OSBPL3: variants seen among roughly 807,000 people sequenced by gnomAD.
OSBPL3 encodes the protein oxysterol binding protein like 3.
Under a neutral mutation model 120.1 loss-of-function variants are expected in OSBPL3, and 65 were observed. The observed-to-expected ratio is 0.54, with a 90% CI of 0.44 to 0.67. The LOEUF (loss-of-function observed/expected upper bound fraction) is 0.67, where lower values mean the gene tolerates loss of function less well. Ranked by LOEUF, OSBPL3 falls within the 30% of genes least tolerant of loss-of-function variation. The pLI is 0.00. For synonymous variants in OSBPL3, 416 were observed against 402.6 expected, an observed-to-expected ratio of 1.03 and a Z score of -0.40; for missense variants, 1,004 against 1,082.1, an observed-to-expected ratio of 0.93 and a Z score of 1.01.
chr7:24,981,222 A>C (rs1818309103), upstream of OSBPL3, among the ~76,000 whole-genome samples: 1 of 152,190 alleles, frequency 6.6e-6, no homozygotes, highest in African/African-American at 2.4e-5. The surrounding 1 kb of genome is among the most constrained non-coding windows in gnomAD (Gnocchi z 7.3). Context: ...CACTTTCGAA[A>C]GTGGTTTAGC....
intron 1 of OSBPL3, among the ~76,000 whole-genome samples, chr7:24,897,807 C>T (rs1806403348): frequency 6.6e-6 from 1 of 152,206 alleles, no homozygotes; most frequent in African/African-American, 2.4e-5. Context: ...AAAAAAGCAA[C>T]ATTATCTGGT....
chr7:24,926,168 T>G (rs1244701679), intron 1 of OSBPL3, among the ~76,000 whole-genome samples: 2 of 152,216 alleles, frequency 1.3e-5, no homozygotes, highest in African/African-American at 2.4e-5. Flanking sequence ...TACTGGCACC[T>G]ATAGAAGTAG....
rs536757334 is a variant in OSBPL3, at chr7:24,930,721, T to C, written c.-149-38100A>G. On this transcript the variant is annotated intron_variant, in intron 1 of 22. Coordinates refer to ENST00000313367, the MANE Select transcript of OSBPL3 (RefSeq NM_015550.4). This position sits in a 1 kb window ranked among gnomAD's most constrained non-coding sequence, Gnocchi z 4.4. ...TCTTTCCAGAAATGATTATATGGTT[T>C]TGCACAGTCCCAAAGGGTCTGGCTC... Among the ~76,000 whole-genome samples the C allele has an allele frequency of 1.1e-3, 174 of 152,328 alleles. No homozygotes were observed. Among genetic ancestry groups the C allele is most frequent in the African/African-American group, 3.9e-3 (162 of 41,568 alleles).
At chr7:24,948,957 T>G (rs2128494110) in intron 1 of OSBPL3, among the ~76,000 whole-genome samples, 2 of 152,360 alleles carry the variant, frequency 1.3e-5, no homozygotes, top group Middle Eastern at 6.8e-3. Flanking sequence ...CTGGCTTTTA[T>G]GATGTTAATG....
At position 24,849,311 on chromosome 7, in the gene OSBPL3, G is replaced by A; in HGVS notation, c.1159-135C>T. 1.7e-6 allele frequency: 1 copy of A among 595,072 alleles called. No homozygotes were observed. Among genetic ancestry groups the A allele is most frequent in the South Asian group, 2.1e-5 (1 of 48,180 alleles). The allele number at this position is 595,072 out of a possible 1,614,324, so 36.9% of individuals were successfully genotyped here. ...ACGTGGTCTGACAGCGCACTTTCTG[G>A]ACTTTTTCCTTGAATGCTCTCCAAG... On this transcript the variant is annotated intron_variant, in intron 11 of 22. Transcript: ENST00000313367. This position sits in a 1 kb window ranked among gnomAD's most constrained non-coding sequence, Gnocchi z 5.4.
intron 19 of OSBPL3, 39 bp from the exon 20 acceptor site, chr7:24,809,990 T>A (rs778112091): frequency 4.3e-6 from 7 of 1,610,144 alleles, no homozygotes; most frequent in Non-Finnish European, 5.9e-6. Flanking sequence ...TCCTTTAGCA[T>A]CAGCTTATTA....
At chr7:24,977,587 T>C (rs918358309) in intron 1 of OSBPL3, among the ~76,000 whole-genome samples, 4 of 152,184 alleles carry the variant, frequency 2.6e-5, no homozygotes, top group African/African-American at 9.7e-5. Flanking sequence ...CAGGGCGCGG[T>C]GGCTCACGCC....
chr7:24,855,728 CTG>C lies in OSBPL3; in HGVS notation c.1028-3096_1028-3095del, dbSNP rs1228868675. Among the ~76,000 whole-genome samples the C allele has an allele frequency of 6.6e-6, 1 of 152,210 alleles. No individual in the cohort carries two copies. The highest frequency in any genetic ancestry group is 6.5e-5 in the Admixed American group (1 of 15,284). ...GGATCCCAAAAGTCAGGAACACTCT[CTG>C]TGATAGGAGTGCTTTCTTACTTATT... On this transcript the variant is annotated intron_variant, in intron 10 of 22. Coordinates refer to ENST00000313367, the MANE Select transcript of OSBPL3 (RefSeq NM_015550.4). The surrounding 1 kb of genome is among the most constrained non-coding windows in gnomAD (Gnocchi z 4.3).
At chr7:24,973,887 A>C (rs546663522) in intron 1 of OSBPL3, among the ~76,000 whole-genome samples, 1 of 152,358 alleles carries the variant, frequency 6.6e-6, no homozygotes, top group South Asian at 2.1e-4. Flanking sequence ...CATGTACAAA[A>C]GTATAGCACT....
chr7:24,879,940 T>TA lies in OSBPL3; in HGVS notation c.97-7872dup, dbSNP rs1803416500. On this transcript the variant is annotated intron_variant, in intron 2 of 22. Coordinates refer to ENST00000313367, the MANE Select transcript of OSBPL3 (RefSeq NM_015550.4). This position sits in a 1 kb window ranked among gnomAD's most constrained non-coding sequence, Gnocchi z 5.6. Reference sequence around the variant, plus strand: ...ATTCCCCTAATTGTATCAAGCCCCTTAAAGCTACAAACAGCATCTTCTATG... The same window carrying TA: ...ATTCCCCTAATTGTATCAAGCCCCTTAAAAGCTACAAACAGCATCTTCTATG... Among the ~76,000 whole-genome samples the TA allele has an allele frequency of 6.6e-6, 1 of 152,150 alleles. No homozygotes were observed. Among genetic ancestry groups the TA allele is most frequent in the Non-Finnish European group, 1.5e-5 (1 of 68,030 alleles).
At chr7:24,890,655 C>T (rs1805211262) in intron 2 of OSBPL3, among the ~76,000 whole-genome samples, 1 of 152,186 alleles carries the variant, frequency 6.6e-6, no homozygotes, top group African/African-American at 2.4e-5. Flanking sequence ...TTAATAAATT[C>T]TCCACCTTCT....
At chr7:24,844,029 T>C (rs1798098711) in intron 12 of OSBPL3, among the ~76,000 whole-genome samples, 1 of 152,260 alleles carries the variant, frequency 6.6e-6, no homozygotes, top group African/African-American at 2.4e-5. Context: ...AAAGATTTCC[T>C]GGCTGACCAA....
At chr7:24,866,364 G>A (rs534811671) in intron 5 of OSBPL3, 127 bp from the exon 6 acceptor site, 43 of 736,604 alleles carry the variant, frequency 5.8e-5, no homozygotes, top group African/African-American at 4.8e-4. Flanking sequence ...ACAGCCAGGC[G>A]CAGTGGCTGA....
In OSBPL3 at chr7:24,852,774, C is replaced by T. The variant is rs1264865384; in HGVS notation, c.1028-140G>A. On this transcript the variant is annotated intron_variant, in intron 10 of 22. Transcript: ENST00000313367. This position sits in a 1 kb window ranked among gnomAD's most constrained non-coding sequence, Gnocchi z 4.1. Reference sequence around the variant, plus strand: ...TGAGTATAGCAAATGTACATTCTACCTTGACTTTTAAAAAACACATTTGCC... The same window carrying T: ...TGAGTATAGCAAATGTACATTCTACTTTGACTTTTAAAAAACACATTTGCC... 2 of 598,486 alleles carry T rather than the reference C, an allele frequency of 3.3e-6. No individual in the cohort carries two copies. Among genetic ancestry groups the T allele is most frequent in the Admixed American group, 7.4e-5 (2 of 27,048 alleles). The allele number at this position is 598,486 out of a possible 1,614,324, so 37.1% of individuals were successfully genotyped here.
At chr7:24,923,596 A>T (rs558369255) in intron 1 of OSBPL3, among the ~76,000 whole-genome samples, 1 of 150,110 alleles carries the variant, frequency 6.7e-6, no homozygotes, top group African/African-American at 2.5e-5. Flanking sequence ...AAAAGATAAG[A>T]GAGATTGACA....
At position 24,881,356 on chromosome 7, in the gene OSBPL3, T is replaced by G. The variant is rs753584232; in HGVS notation, c.97-9287A>C. On this transcript the variant is annotated intron_variant, in intron 2 of 22. Coordinates refer to ENST00000313367, the MANE Select transcript of OSBPL3 (RefSeq NM_015550.4). The surrounding 1 kb of genome is among the most constrained non-coding windows in gnomAD (Gnocchi z 4.3). ...TTACAAATCAAAGAAGGAATGACTT[T>G]AGTGCCAAGTATGTTATAGTCCAGT... Among the ~76,000 whole-genome samples the G allele has an allele frequency of 1.3e-5, 2 of 152,208 alleles. No individual in the cohort carries two copies. The highest frequency in any genetic ancestry group is 2.9e-5 in the Non-Finnish European group (2 of 68,034).
At chr7:24,917,913 A>T (rs867697042) in intron 1 of OSBPL3, 11 of 179,502 alleles carry the variant, frequency 6.1e-5, no homozygotes, top group Admixed American at 3.3e-4. Flanking sequence ...AACTCATTCC[A>T]AATCTATTTG....
rs1795255014 is a variant in OSBPL3 at position 24,822,665 on chromosome 7, T to C, written c.1885-2427A>G. 6.6e-6 allele frequency among the ~76,000 whole-genome samples: 1 copy of C among 152,228 alleles called. No individual in the cohort carries two copies. The highest frequency in any genetic ancestry group is 2.1e-4 in the South Asian group (1 of 4,832). Reference sequence around the variant, plus strand: ...GCTTTGATGAAGAATTTGGCATCTTTACAGGTATGGCCGAATGTAAACACA... The same window carrying C: ...GCTTTGATGAAGAATTTGGCATCTTCACAGGTATGGCCGAATGTAAACACA... On this transcript the variant is annotated intron_variant, in intron 16 of 22. Coordinates refer to ENST00000313367, the MANE Select transcript of OSBPL3 (RefSeq NM_015550.4). This position sits in a 1 kb window ranked among gnomAD's most constrained non-coding sequence, Gnocchi z 5.8.
Position 24,946,037 on chromosome 7 carries a change from G to A in OSBPL3, c.-150+33849C>T, listed in dbSNP as rs1290813311. Among the ~76,000 whole-genome samples, 4 of 152,180 alleles carry A rather than the reference G, an allele frequency of 2.6e-5. No homozygotes were observed. The highest frequency in any genetic ancestry group is 2.1e-4 in the South Asian group (1 of 4,826). On this transcript the variant is annotated intron_variant, in intron 1 of 22. Transcript: ENST00000313367. This position sits in a 1 kb window ranked among gnomAD's most constrained non-coding sequence, Gnocchi z 4.3. ...TGATGGCAATCAGATGCCAGGTGGG[G>A]CTGGAGCTAGGTGGGGCTAGAGTCA... is the stretch of plus-strand genomic sequence containing the variant.
Sources: allele counts gnomAD v4.1 joint callset (sites outside exome capture counted in the v4.1 genomes callset), GRCh38; gene constraint gnomAD v4.1.1; non-coding constraint Gnocchi (gnomAD v3.1); transcripts MANE v1.5; gene names NCBI Gene and HGNC (gene_info 2026-07-23, HGNC 2026-07-21).